Variants in GRAMD1B observed in about 807,000 individuals in gnomAD.
The protein encoded by GRAMD1B is GRAM domain containing 1B.
Under a neutral mutation model 99.7 loss-of-function variants are expected in GRAMD1B, and 37 were observed. That is an observed-to-expected ratio of 0.37 (90% CI 0.29 to 0.49). The LOEUF (loss-of-function observed/expected upper bound fraction) is 0.49, where lower values mean the gene tolerates loss of function less well. Among genes scored for constraint, GRAMD1B ranks in the 20% least tolerant of loss-of-function variants. The pLI, the probability that GRAMD1B is intolerant of heterozygous loss-of-function variation, is 0.98. For missense variants in GRAMD1B, 888 were observed against 1,009.2 expected (o/e 0.88, Z 1.63); for synonymous variants, 427 against 387.6 (o/e 1.10, Z -1.19).
At chr11:123,383,446 T>C (rs1214332640) in intron 1 of GRAMD1B, among the ~76,000 whole-genome samples, 1 of 152,214 alleles carries the variant, frequency 6.6e-6, no homozygotes, top group Non-Finnish European at 1.5e-5. Context: ...TTGGTAATGT[T>C]AAACTCCTTG....
intron 2 of GRAMD1B, among the ~76,000 whole-genome samples, chr11:123,551,907 T>C (rs1945650042): frequency 1.3e-5 from 2 of 152,232 alleles, no homozygotes; most frequent in Admixed American, 6.5e-5. Context: ...CCTATGCTTC[T>C]CTGCAGCCCC....
intron 2 of GRAMD1B, among the ~76,000 whole-genome samples, chr11:123,513,069 T>G (rs1177895216): frequency 6.6e-6 from 1 of 152,242 alleles, no homozygotes; most frequent in East Asian, 1.9e-4. Flanking sequence ...TAAAAGCAGC[T>G]TGTAAGTAAC....
At chr11:123,360,662 A>G (rs1946108156) in intron 1 of GRAMD1B, among the ~76,000 whole-genome samples, 1 of 152,212 alleles carries the variant, frequency 6.6e-6, no homozygotes, top group Non-Finnish European at 1.5e-5. Context: ...ACATTGTCAC[A>G]AAAAGTGAGT....
chr11:123,508,939 C>T (rs993563486), intron 2 of GRAMD1B, among the ~76,000 whole-genome samples: 2 of 152,212 alleles, frequency 1.3e-5, no homozygotes, highest in African/African-American at 2.4e-5. Context: ...TCTACCACAG[C>T]CTCCCAAAGT....
rs530887532 is a variant in GRAMD1B, at chr11:123,614,731, A to G, written c.2228-14A>G. 4.6e-5 allele frequency: 72 copies of G among 1,569,866 alleles called. 1 individual carries two copies. In the South Asian group the frequency reaches 7.6e-4, roughly 16 times the overall value. ...GGGTCACCATGGTGATGGTCTCTTT[A>G]ATTCTCCCCACAGGTTCCACACAGA... On this transcript the variant is annotated splice_polypyrimidine_tract_variant and intron_variant, in intron 16 of 19. Coordinates refer to ENST00000635736, the MANE Select transcript of GRAMD1B (RefSeq NM_001387025.1).
intron 1 of GRAMD1B, among the ~76,000 whole-genome samples, chr11:123,391,489 T>G (rs891189156): frequency 3.9e-5 from 6 of 152,144 alleles, no homozygotes; most frequent in Non-Finnish European, 5.9e-5. Flanking sequence ...GAGAGTCTCG[T>G]TCTGTCACCC....
chr11:123,460,350 C>T (rs1054130625), intron 1 of GRAMD1B: 2 of 152,098 alleles, frequency 1.3e-5, no homozygotes, highest in South Asian at 4.1e-4. Flanking sequence ...AATTAAAGTA[C>T]ATGAATTATC....
chr11:123,468,414 C>G (rs1376516539), intron 1 of GRAMD1B, among the ~76,000 whole-genome samples: 3 of 152,100 alleles, frequency 2.0e-5, no homozygotes, highest in East Asian at 1.9e-4. Flanking sequence ...GACCATCGCT[C>G]TCAAATAATT....
At chr11:123,514,762 A>C (rs1240212813) in intron 2 of GRAMD1B, among the ~76,000 whole-genome samples, 7 of 152,166 alleles carry the variant, frequency 4.6e-5, no homozygotes, top group Non-Finnish European at 7.3e-5. Context: ...GCTTTTGAGA[A>C]AGTACTCTGG....
upstream of GRAMD1B, among the ~76,000 whole-genome samples, chr11:123,429,697 G>A (rs1204796637): frequency 2.6e-5 from 4 of 152,090 alleles, no homozygotes; most frequent in African/African-American, 7.2e-5. This position sits in a 1 kb window ranked among gnomAD's most constrained non-coding sequence, Gnocchi z 4.0. Flanking sequence ...TTGTCTCTCA[G>A]ACCCTGTTGT....
chr11:123,480,298 C>A lies in GRAMD1B; in HGVS notation c.375-518C>A, dbSNP rs183629315. Among the ~76,000 whole-genome samples the A allele has an allele frequency of 2.5e-4, 38 of 152,270 alleles. 1 individual carries two copies. The highest frequency in any genetic ancestry group is 8.7e-4 in the African/African-American group (36 of 41,542). ...CAGACTAAGTGACCCCAGACCCCAT[C>A]CAGCCTTTTGCCTTACTGGAGAAGC... On this transcript the variant is annotated intron_variant, in intron 1 of 19. Coordinates refer to ENST00000635736, the MANE Select transcript of GRAMD1B (RefSeq NM_001387025.1).
At chr11:123,560,683 CGTGTGTGT>C (rs749623875) in intron 2 of GRAMD1B, 107,504 of 420,198 alleles carry the variant, frequency 0.26, 7,418 homozygotes, top group East Asian at 0.37. Context: ...ACGCCTGGTG[CGTGTGTGT>C]GTGTGTGTGT....
rs764049233 is a variant in GRAMD1B, at chr11:123,584,292, C to A, written c.664-20C>A. The A allele has an allele frequency of 3.1e-6, 3 of 954,758 alleles. No individual in the cohort carries two copies. Among genetic ancestry groups the A allele is most frequent in the Non-Finnish European group, 4.0e-6 (3 of 741,128 alleles). The allele number at this position is 954,758 out of a possible 1,614,324, so 59.1% of individuals were successfully genotyped here. ...TCTTCCCTGACTAATTCTACCTTCT[C>A]TTTCATTTTCTCTTTTCAGAAAAGC... On this transcript the variant is annotated intron_variant, in intron 3 of 19. Coordinates refer to ENST00000635736, the MANE Select transcript of GRAMD1B (RefSeq NM_001387025.1).
Position 123,430,677 on chromosome 11 carries a change from T to C in GRAMD1B, c.-116T>C. 1 of 540,536 alleles carries C rather than the reference T, an allele frequency of 1.9e-6. No homozygotes were observed. The highest frequency in any genetic ancestry group is 3.3e-5 in the East Asian group (1 of 30,052). The allele number at this position is 540,536 out of a possible 1,614,324, so 33.5% of individuals were successfully genotyped here. A position where few individuals can be genotyped will look rare whatever the true frequency, so the allele number is the denominator to read the frequency against. ...GCGCTCCGGGAAAGGAACTTGTTCCTTCGGCCCCAGGATTGGGGAGTGTGC... is the reference window on the plus strand; with the variant it reads ...GCGCTCCGGGAAAGGAACTTGTTCCCTCGGCCCCAGGATTGGGGAGTGTGC... On this transcript the variant is annotated 5_prime_UTR_variant, in exon 1 of 20. Transcript: ENST00000635736.
intron 18 of GRAMD1B, 23 bp from the exon 19 acceptor site, chr11:123,619,084 G>T: frequency 3.0e-6 from 4 of 1,315,114 alleles, no homozygotes; most frequent in Non-Finnish European, 4.3e-6. Context: ...AGCTGCTGGG[G>T]TACCCCTTCT....
chr11:123,604,403 C>T (rs920082543), intron 9 of GRAMD1B, among the ~76,000 whole-genome samples: 16 of 152,028 alleles, frequency 1.1e-4, no homozygotes, highest in African/African-American at 3.6e-4. Flanking sequence ...CTGGCAGCCA[C>T]GGGAAGGAAG....
At position 123,477,618 on chromosome 11, in the gene GRAMD1B, C is replaced by T. The variant is rs76122606; in HGVS notation, c.375-3198C>T. Among the ~76,000 whole-genome samples, 4 of 142,760 alleles carry T rather than the reference C, an allele frequency of 2.8e-5. No homozygotes were observed. The South Asian group carries it at 1.0e-3, about 36-fold the overall frequency. 93.7% of individuals were successfully genotyped at this position (142,760 alleles called of 152,430 possible). ...CCTCCCTCCCGTCTCCCTTCCTTTC[C>T]CTCTCTCTCCCCTCCCCTCCCTTCC... On this transcript the variant is annotated intron_variant, in intron 1 of 19. Transcript: ENST00000635736.
At chr11:123,402,911 T>C (rs1947718056) in intron 1 of GRAMD1B, among the ~76,000 whole-genome samples, 1 of 151,922 alleles carries the variant, frequency 6.6e-6, no homozygotes, top group African/African-American at 2.4e-5. Flanking sequence ...GAACTAGAAA[T>C]ACCATTTGAC....
intron 2 of GRAMD1B, among the ~76,000 whole-genome samples, chr11:123,554,360 A>G (rs1945928949): frequency 6.6e-6 from 1 of 152,042 alleles, no homozygotes; most frequent in African/African-American, 2.4e-5. Context: ...TAAGACAGAA[A>G]CCACACCAAT....
Sources: allele counts gnomAD v4.1 joint callset (sites outside exome capture counted in the v4.1 genomes callset), GRCh38; gene constraint gnomAD v4.1.1; non-coding constraint Gnocchi (gnomAD v3.1); transcripts MANE v1.5; gene names NCBI Gene and HGNC (gene_info 2026-07-23, HGNC 2026-07-21).